GABBR2: variants seen among roughly 807,000 people sequenced by gnomAD.
The protein encoded by GABBR2 is G-protein coupled receptor 51.
GABBR2 carries 23 observed loss-of-function variants against 105.6 expected under a neutral mutation model. The ratio of observed to expected loss-of-function variants is 0.22; its 90% CI spans 0.16 to 0.31. The LOEUF is 0.31. Among genes scored for constraint, GABBR2 ranks in the 10% least tolerant of loss-of-function variants. The probability of loss-of-function intolerance (pLI) is 1.00; values close to 1 mark genes in which losing one functional copy is unlikely to be tolerated. For synonymous variants in GABBR2, 478 were observed against 499.7 expected, an observed-to-expected ratio of 0.96 and a Z score of 0.58; for missense variants, 734 against 1,245.5, an observed-to-expected ratio of 0.59 and a Z score of 6.18.
chr9:98,385,318 T>A (rs888587207), intron 11 of GABBR2, among the ~76,000 whole-genome samples: 6 of 152,206 alleles, frequency 3.9e-5, no homozygotes, highest in Non-Finnish European at 8.8e-5. Context: ...TCCTCCCTCC[T>A]CAGCCTCCTG....
At chr9:98,466,433 A>G (rs919643419) in intron 6 of GABBR2, among the ~76,000 whole-genome samples, 1 of 152,252 alleles carries the variant, frequency 6.6e-6, no homozygotes, top group African/African-American at 2.4e-5. Context: ...CTCTCCTTCA[A>G]TAAAAATAAT....
At chr9:98,350,394 T>C (rs774791420) in intron 13 of GABBR2, among the ~76,000 whole-genome samples, 1 of 152,158 alleles carries the variant, frequency 6.6e-6, no homozygotes, top group Non-Finnish European at 1.5e-5. Flanking sequence ...TTTCCCTCTT[T>C]GCACTGCTTT....
rs766776196 is a variant in GABBR2 at position 98,436,404 on chromosome 9, T to G, written c.1236+17577A>C. ...ATATATATATATATATATATATATA[T>G]ATAGTATGGCGTTCTTTCTTCTACT... On this transcript the variant is annotated intron_variant, in intron 7 of 18. Coordinates refer to ENST00000259455, the MANE Select transcript of GABBR2 (RefSeq NM_005458.8). Among the ~76,000 whole-genome samples, 270 of 65,282 alleles carry G rather than the reference T, an allele frequency of 4.1e-3. 17 individuals are homozygous for G. Among genetic ancestry groups the G allele is most frequent in the African/African-American group, 0.018 (256 of 14,140 alleles). 42.8% of individuals were successfully genotyped at this position (65,282 alleles called of 152,430 possible). A position where few individuals can be genotyped will look rare whatever the true frequency, so the allele number is the denominator to read the frequency against.
chr9:98,665,889 A>G (rs1830327117), intron 1 of GABBR2, among the ~76,000 whole-genome samples: 2 of 152,074 alleles, frequency 1.3e-5, no homozygotes, highest in South Asian at 2.1e-4. Context: ...AACATCTTCA[A>G]CCCCAGAAAG....
intron 13 of GABBR2, among the ~76,000 whole-genome samples, chr9:98,320,982 A>G (rs13298037): frequency 6.6e-6 from 1 of 152,126 alleles, no homozygotes; most frequent in Non-Finnish European, 1.5e-5. Flanking sequence ...GTATAATAAT[A>G]CAAAATAAAT....
chr9:98,668,690 C>T (rs922282289), intron 1 of GABBR2, among the ~76,000 whole-genome samples: 1 of 152,182 alleles, frequency 6.6e-6, no homozygotes, highest in Admixed American at 6.5e-5. Flanking sequence ...CCCTCCTTCT[C>T]TGCAGCCCCT....
chr9:98,662,405 G>T (rs1159360571), intron 1 of GABBR2, among the ~76,000 whole-genome samples: 2 of 152,172 alleles, frequency 1.3e-5, no homozygotes. Context: ...TCAATGTGCT[G>T]GGGAAAGATG....
rs1020677542 is a variant in GABBR2 at position 98,288,483 on chromosome 9, A to T, written c.*2101T>A. 2.0e-5 allele frequency: 3 copies of T among 152,656 alleles called. No homozygotes were observed. The highest frequency in any genetic ancestry group is 4.4e-5 in the Non-Finnish European group (3 of 68,046). 9.5% of individuals were successfully genotyped at this position (152,656 alleles called of 1,614,324 possible). A position where few individuals can be genotyped will look rare whatever the true frequency, so the allele number is the denominator to read the frequency against. On this transcript the variant is annotated 3_prime_UTR_variant, in exon 19 of 19. Transcript: ENST00000259455. Reference sequence around the variant, plus strand: ...ACAGACGCACAGGCTCACCTCCGACAGTCCAATACTTTTGTTTGTTTTCCT... The same window carrying T: ...ACAGACGCACAGGCTCACCTCCGACTGTCCAATACTTTTGTTTGTTTTCCT...
At chr9:98,601,162 A>G (rs759644201) in intron 1 of GABBR2, among the ~76,000 whole-genome samples, 1 of 152,196 alleles carries the variant, frequency 6.6e-6, no homozygotes. Context: ...AAACAAAACA[A>G]AACGTATCAG....
chr9:98,665,286 C>G (rs1830319375), intron 1 of GABBR2, among the ~76,000 whole-genome samples: 1 of 151,924 alleles, frequency 6.6e-6, no homozygotes, highest in South Asian at 2.1e-4. Context: ...ATCTCTCTCT[C>G]TCTCTCTCTC....
At chr9:98,696,356 G>A (rs771564853) in intron 1 of GABBR2, among the ~76,000 whole-genome samples, 1 of 152,216 alleles carries the variant, frequency 6.6e-6, no homozygotes, top group South Asian at 2.1e-4. Flanking sequence ...TGCTGGGAGT[G>A]GGCAGGGCAG....
chr9:98,577,228 A>ATGGTTAGGCGAATGGGTGGGT (rs769775744), intron 2 of GABBR2, among the ~76,000 whole-genome samples: 2 of 151,130 alleles, frequency 1.3e-5, no homozygotes, highest in Non-Finnish European at 1.5e-5. Flanking sequence ...GGATGGATGG[A>ATGGTTAGGCGAATGGGTGGGT]GCAAAAAAGT....
In GABBR2 at chr9:98,288,873, C is replaced by G. The variant is rs796410953; in HGVS notation, c.*1711G>C. On this transcript the variant is annotated 3_prime_UTR_variant, in exon 19 of 19. Coordinates refer to ENST00000259455, the MANE Select transcript of GABBR2 (RefSeq NM_005458.8). ...ATTCCTGTGGGCCCTTTTGTCAAAG[C>G]CTGGTGGAGAAAACAGTTTATTCCT... The G allele has an allele frequency of 1.5e-4, 23 of 152,700 alleles. No individual in the cohort carries two copies. Among genetic ancestry groups the G allele is most frequent in the African/African-American group, 5.5e-4 (23 of 41,530 alleles). The allele number at this position is 152,700 out of a possible 1,614,324, so 9.5% of individuals were successfully genotyped here.
intron 1 of GABBR2, among the ~76,000 whole-genome samples, chr9:98,597,454 C>T (rs1829254710): frequency 6.6e-6 from 1 of 152,226 alleles, no homozygotes; most frequent in African/African-American, 2.4e-5. Context: ...CAAGCATCAT[C>T]TCATGAAGCT....
At chr9:98,463,499 T>C (rs1465503023) in intron 6 of GABBR2, among the ~76,000 whole-genome samples, 1 of 151,996 alleles carries the variant, frequency 6.6e-6, no homozygotes, top group Non-Finnish European at 1.5e-5. Context: ...TCAAGACTTA[T>C]TATAAAGCTA....
intron 2 of GABBR2, among the ~76,000 whole-genome samples, chr9:98,554,177 A>T (rs768802981): frequency 6.6e-6 from 1 of 152,140 alleles, no homozygotes; most frequent in Non-Finnish European, 1.5e-5. Flanking sequence ...GGCTAAGACT[A>T]GAAAGCAACC....
chr9:98,436,240 G>T (rs1214382849), intron 7 of GABBR2, among the ~76,000 whole-genome samples: 3 of 129,606 alleles, frequency 2.3e-5, no homozygotes, highest in African/African-American at 8.9e-5. Flanking sequence ...TTTCTTCACT[G>T]TCAATATCTG....
chr9:98,548,326 G>A (rs1212520852), intron 2 of GABBR2, among the ~76,000 whole-genome samples: 1 of 119,978 alleles, frequency 8.3e-6, no homozygotes, highest in Non-Finnish European at 1.9e-5. Context: ...TGTCTAGTAG[G>A]CTTTCACCTT....
At chr9:98,329,527 G>A (rs1033708076) in intron 13 of GABBR2, among the ~76,000 whole-genome samples, 13 of 152,160 alleles carry the variant, frequency 8.5e-5, no homozygotes, top group African/African-American at 3.1e-4. Context: ...GAGTCATTGG[G>A]CTACTGTGCC....
Sources: allele counts gnomAD v4.1 joint callset (sites outside exome capture counted in the v4.1 genomes callset), GRCh38; gene constraint gnomAD v4.1.1; transcripts MANE v1.5; gene names NCBI Gene and HGNC (gene_info 2026-07-23, HGNC 2026-07-21).